CAAP1: variants seen among roughly 807,000 people sequenced by gnomAD.
The protein encoded by CAAP1 is conserved anti-apoptotic protein.
A neutral mutation model predicts 34.0 loss-of-function variants in CAAP1; 20 were observed. The ratio of observed to expected loss-of-function variants is 0.59; its 90% CI spans 0.41 to 0.86. The LOEUF is 0.86. CAAP1 is among the 40% of genes least tolerant of loss of function. The probability of loss-of-function intolerance (pLI) is 0.00; values close to 1 mark genes in which losing one functional copy is unlikely to be tolerated. For synonymous variants in CAAP1, 213 were observed against 166.7 expected (o/e 1.28, Z -2.14); for missense variants, 538 against 450.5 (o/e 1.19, Z -1.76).
intron 4 of CAAP1, among the ~76,000 whole-genome samples, chr9:26,882,177 T>C (rs530111848): frequency 6.6e-6 from 1 of 152,300 alleles, no homozygotes; most frequent in East Asian, 1.9e-4. Flanking sequence ...GAAAAACCCA[T>C]TTTCTGAGGA....
rs1054781089 is a variant in CAAP1, at chr9:26,841,814, T to C, written c.*487A>G. On this transcript the variant is annotated 3_prime_UTR_variant, in exon 6 of 6. Coordinates refer to ENST00000333916, the MANE Select transcript of CAAP1 (RefSeq NM_024828.4). ...CTGTTATTCGGTTTTAACTAGGAAATTTGCATTTACATAAGGAATCTTCAA... is the reference window on the plus strand; with the variant it reads ...CTGTTATTCGGTTTTAACTAGGAAACTTGCATTTACATAAGGAATCTTCAA... The C allele has an allele frequency of 6.6e-6, 1 of 152,428 alleles. No individual in the cohort carries two copies. Among genetic ancestry groups the C allele is most frequent in the Non-Finnish European group, 1.5e-5 (1 of 68,014 alleles). 9.4% of individuals were successfully genotyped at this position (152,428 alleles called of 1,614,324 possible).
intron 5 of CAAP1, among the ~76,000 whole-genome samples, chr9:26,854,195 T>C (rs757011418): frequency 3.9e-4 from 59 of 152,234 alleles, no homozygotes; most frequent in Non-Finnish European, 5.9e-4. Flanking sequence ...TAATATCTAC[T>C]AAGCACTGCT....
intron 1 of CAAP1, among the ~76,000 whole-genome samples, chr9:26,889,695 G>A (rs1382763971): frequency 2.0e-5 from 3 of 151,538 alleles, no homozygotes; most frequent in African/African-American, 4.9e-5. Flanking sequence ...GTGAAACCCT[G>A]TCTCTACTAA....
chr9:26,882,851 G>C (rs2131337349), intron 4 of CAAP1, among the ~76,000 whole-genome samples: 1 of 152,268 alleles, frequency 6.6e-6, no homozygotes. Flanking sequence ...ACCTGGATGT[G>C]AGACATGGAG....
At chr9:26,860,040 A>G (rs1822968433) in intron 5 of CAAP1, among the ~76,000 whole-genome samples, 1 of 152,190 alleles carries the variant, frequency 6.6e-6, no homozygotes, top group African/African-American at 2.4e-5. Context: ...ATAAGTTCAT[A>G]TGACTCATAT....
chr9:26,885,266 G>A lies in CAAP1; in HGVS notation c.590-381C>T, dbSNP rs985209521. On this transcript the variant is annotated intron_variant, in intron 3 of 5. Transcript: ENST00000333916. ...TAATTTTTGTATTTTTAGTAGAGAC[G>A]GGGTTTCACTATGTTGGCCAAGCTG... 5.3e-4 allele frequency among the ~76,000 whole-genome samples: 81 copies of A among 151,658 alleles called. 2 individuals are homozygous for A. The highest frequency in any genetic ancestry group is 1.8e-3 in the African/African-American group (74 of 41,314).
intron 5 of CAAP1, among the ~76,000 whole-genome samples, chr9:26,850,072 C>T (rs1238191062): frequency 2.9e-5 from 4 of 140,134 alleles, no homozygotes; most frequent in Non-Finnish European, 5.9e-5. Context: ...TCTGTGACCT[C>T]GTGATCCGCC....
chr9:26,850,667 C>T (rs1822725147), intron 5 of CAAP1, among the ~76,000 whole-genome samples: 1 of 152,180 alleles, frequency 6.6e-6, no homozygotes, highest in African/African-American at 2.4e-5. Flanking sequence ...TTAACGTATA[C>T]TAAATTATTT....
At chr9:26,854,736 A>C (rs769265943) in intron 5 of CAAP1, among the ~76,000 whole-genome samples, 5 of 152,238 alleles carry the variant, frequency 3.3e-5, no homozygotes, top group Non-Finnish European at 5.9e-5. Flanking sequence ...TAAAATGCAC[A>C]AATGATCTGA....
chr9:26,861,244 A>G (rs779952917), intron 4 of CAAP1, 105 bp from the exon 5 acceptor site: 2 of 748,872 alleles, frequency 2.7e-6, no homozygotes, highest in Admixed American at 4.4e-5. Context: ...GACAGGCTAC[A>G]TTCTTCTAAG....
intron 4 of CAAP1, among the ~76,000 whole-genome samples, chr9:26,862,961 G>A (rs74742269): frequency 0.016 from 2,398 of 152,020 alleles, 24 homozygotes; most frequent in Middle Eastern, 0.031. Flanking sequence ...GTATGCAAAT[G>A]GGATAGAAGG....
At chr9:26,862,023 C>T (rs1019471621) in intron 4 of CAAP1, among the ~76,000 whole-genome samples, 5 of 152,128 alleles carry the variant, frequency 3.3e-5, no homozygotes, top group African/African-American at 1.2e-4. Context: ...TAAAACTGCA[C>T]TAATACAAGC....
intron 4 of CAAP1, 139 bp from the exon 5 acceptor site, chr9:26,861,278 C>A: frequency 3.4e-6 from 2 of 581,428 alleles, no homozygotes; most frequent in East Asian, 5.7e-5. Flanking sequence ...ATTCAGTGTA[C>A]TCTGGAAGCT....
chr9:26,884,477 C>T (rs77031426), intron 4 of CAAP1, among the ~76,000 whole-genome samples: 5,487 of 152,114 alleles, frequency 0.036, 165 homozygotes, highest in South Asian at 0.098. Context: ...AATGTAGTAC[C>T]TGGTAGAGTA....
intron 4 of CAAP1, among the ~76,000 whole-genome samples, chr9:26,876,911 T>C (rs1725100372): frequency 6.6e-6 from 1 of 152,168 alleles, no homozygotes; most frequent in African/African-American, 2.4e-5. Context: ...CCTAGCACTT[T>C]GGGAGTCCAA....
At chr9:26,859,968 G>A (rs1168566367) in intron 5 of CAAP1, among the ~76,000 whole-genome samples, 1 of 152,088 alleles carries the variant, frequency 6.6e-6, no homozygotes, top group Non-Finnish European at 1.5e-5. Context: ...AAATTAAGCA[G>A]TAATAAAAGA....
chr9:26,843,385 C>A (rs1822523780), intron 5 of CAAP1, among the ~76,000 whole-genome samples: 1 of 152,154 alleles, frequency 6.6e-6, no homozygotes. Flanking sequence ...CAATTCCAGG[C>A]ATCATTTGCA....
chr9:26,892,709 C>G lies in CAAP1; in HGVS notation c.7G>C (p.Gly3Arg), dbSNP rs549921965. 1.2e-5 allele frequency: 19 copies of G among 1,591,846 alleles called. No homozygotes were observed. The highest frequency in any genetic ancestry group is 1.7e-5 in the Admixed American group (1 of 59,038). The change falls in exon 1 of 6, where the codon GGG becomes CGG. Residue 3 changes from glycine (G) to arginine (R), a missense_variant. By Grantham distance (125) the Gly-to-Arg change is moderately radical. Coordinates refer to ENST00000333916, the MANE Select transcript of CAAP1 (RefSeq NM_024828.4). MT[G>R]KKSSREKRRK... The stretch of plus-strand genomic sequence containing the variant: ...CGTTTCTCCCGGGAGGACTTTTTCC[C>G]CGTCATGATCCCTCTGCTGCAACCA...
intron 4 of CAAP1, among the ~76,000 whole-genome samples, chr9:26,862,415 C>CAAA (rs201777956): frequency 7.6e-6 from 1 of 131,642 alleles, no homozygotes; most frequent in African/African-American, 2.7e-5. Context: ...TCTAAATTTA[C>CAAA]AAAAAAAAAA....
Sources: gnomAD v4.1 joint callset for allele counts (sites outside exome capture counted in the v4.1 genomes callset) on GRCh38, gnomAD v4.1.1 for gene constraint, MANE v1.5 for transcripts, NCBI Gene and HGNC (gene_info 2026-07-23, HGNC 2026-07-21) for gene names.